The following NPAS3 variants were observed in gnomAD, a reference collection of about 807,000 sequenced individuals.
NPAS3 encodes the protein neuronal PAS domain protein 3, also known as neuronal PAS domain-containing protein 3.
Under a neutral mutation model 73.1 loss-of-function variants are expected in NPAS3, and 14 were observed. The observed-to-expected ratio is 0.19, with a 90% CI of 0.13 to 0.30. The LOEUF is 0.30. Ranked by LOEUF, NPAS3 falls within the 10% of genes least tolerant of loss-of-function variation. The probability of loss-of-function intolerance (pLI) is 1.00; values close to 1 mark genes in which losing one functional copy is unlikely to be tolerated. For missense variants in NPAS3, 1,096 were observed against 1,250.0 expected (o/e 0.88, Z 1.86); for synonymous variants, 620 against 541.5 (o/e 1.14, Z -2.01).
At chr14:33,562,416 T>A (rs2139765117) in intron 5 of NPAS3, among the ~76,000 whole-genome samples, 1 of 152,286 alleles carries the variant, frequency 6.6e-6, no homozygotes, top group Non-Finnish European at 1.5e-5. Context: ...TGCCTTCTTC[T>A]CCTGTGGTGG....
chr14:33,156,838 G>T (rs745406846), intron 2 of NPAS3, among the ~76,000 whole-genome samples: 2 of 152,076 alleles, frequency 1.3e-5, no homozygotes, highest in African/African-American at 2.4e-5. Flanking sequence ...TATAATTATC[G>T]TTAAGGTTTT....
At chr14:33,252,600 A>G (rs2048627951) in intron 3 of NPAS3, among the ~76,000 whole-genome samples, 1 of 151,762 alleles carries the variant, frequency 6.6e-6, no homozygotes, top group Non-Finnish European at 1.5e-5. Context: ...ACTTTTCATT[A>G]CTATTACATA....
At chr14:33,666,745 T>A (rs1194014429) in intron 5 of NPAS3, among the ~76,000 whole-genome samples, 1 of 152,238 alleles carries the variant, frequency 6.6e-6, no homozygotes, top group Admixed American at 6.5e-5. Flanking sequence ...ATGTTTCTTT[T>A]AATTAATTCC....
chr14:33,708,679 T>C (rs1315894186), intron 6 of NPAS3, among the ~76,000 whole-genome samples: 1 of 151,954 alleles, frequency 6.6e-6, no homozygotes, highest in Non-Finnish European at 1.5e-5. Context: ...CATGGAAGAG[T>C]CAGAGAGTCT....
chr14:33,124,629 T>A (rs1026653886), intron 2 of NPAS3, among the ~76,000 whole-genome samples: 3 of 152,122 alleles, frequency 2.0e-5, no homozygotes, highest in Non-Finnish European at 4.4e-5. Context: ...ATGAGATTGA[T>A]ACATGTATCC....
intron 1 of NPAS3, among the ~76,000 whole-genome samples, chr14:32,943,305 A>G (rs980332779): frequency 5.9e-5 from 9 of 152,194 alleles, no homozygotes; most frequent in African/African-American, 1.9e-4. Flanking sequence ...TCAGCAATCA[A>G]TTGGTAAGAC....
chr14:33,427,172 T>G (rs1207983738), intron 4 of NPAS3, among the ~76,000 whole-genome samples: 6 of 152,164 alleles, frequency 3.9e-5, no homozygotes, highest in Middle Eastern at 3.4e-3. Context: ...AAGATTTTAT[T>G]TTTATGAACA....
intron 5 of NPAS3, among the ~76,000 whole-genome samples, chr14:33,605,744 A>G (rs1289696160): frequency 6.6e-6 from 1 of 152,186 alleles, no homozygotes; most frequent in African/African-American, 2.4e-5. Context: ...AGAGATAGAT[A>G]CCATTTTTGT....
chr14:33,140,229 G>A (rs1445143007), intron 2 of NPAS3, among the ~76,000 whole-genome samples: 2 of 151,972 alleles, frequency 1.3e-5, no homozygotes, highest in Non-Finnish European at 2.9e-5. Flanking sequence ...AATATCCCAC[G>A]AAAATGAGGA....
intron 2 of NPAS3, among the ~76,000 whole-genome samples, chr14:33,178,907 A>G (rs1335196436): frequency 6.6e-6 from 1 of 152,210 alleles, no homozygotes; most frequent in Non-Finnish European, 1.5e-5. Context: ...TGTTAGGAGA[A>G]AGCTTTCAGT....
At chr14:33,329,385 C>T (rs1250375967) in intron 3 of NPAS3, among the ~76,000 whole-genome samples, 1 of 152,112 alleles carries the variant, frequency 6.6e-6, no homozygotes, top group East Asian at 1.9e-4. Flanking sequence ...ATGGAGGTAA[C>T]CTACTAGGGA....
chr14:33,669,636 T>G (rs1337397283), intron 5 of NPAS3, among the ~76,000 whole-genome samples: 4 of 152,212 alleles, frequency 2.6e-5, no homozygotes, highest in Non-Finnish European at 4.4e-5. Context: ...TTCAAAGAGT[T>G]TGTGGACCTG....
intron 3 of NPAS3, among the ~76,000 whole-genome samples, chr14:33,272,844 G>T (rs1262542625): frequency 6.6e-6 from 1 of 152,140 alleles, no homozygotes; most frequent in Admixed American, 6.6e-5. Context: ...CTACCAAAGG[G>T]TAGTGATACT....
At chr14:33,729,559 C>A (rs1283874122) in intron 6 of NPAS3, among the ~76,000 whole-genome samples, 1 of 152,114 alleles carries the variant, frequency 6.6e-6, no homozygotes, top group Non-Finnish European at 1.5e-5. Flanking sequence ...TGAAGGCTCA[C>A]CTAAAGCTGG....
intron 4 of NPAS3, among the ~76,000 whole-genome samples, chr14:33,419,144 G>A (rs1594873668): frequency 6.6e-6 from 1 of 151,918 alleles, no homozygotes; most frequent in East Asian, 1.9e-4. Flanking sequence ...TTTTAAAAAA[G>A]GCTTTAAGAA....
At chr14:33,752,177 A>C (rs1326599927) in intron 7 of NPAS3, among the ~76,000 whole-genome samples, 2 of 152,222 alleles carry the variant, frequency 1.3e-5, no homozygotes, top group Non-Finnish European at 2.9e-5. Flanking sequence ...ATAAAATATA[A>C]TATGAAACTT....
At chr14:32,962,065 C>A (rs1219617349) in intron 1 of NPAS3, among the ~76,000 whole-genome samples, 1 of 151,918 alleles carries the variant, frequency 6.6e-6, no homozygotes, top group Admixed American at 6.6e-5. Flanking sequence ...AAAAAAGGAA[C>A]CTGAATTAAC....
chr14:33,799,997 G>C, exon 12 of NPAS3: 1 of 1,613,100 alleles, frequency 6.2e-7, no homozygotes, highest in Non-Finnish European at 8.5e-7. Flanking sequence ...CGTGGAGAGC[G>C]AGTCGGACCT....
At chr14:33,399,973 A>C (rs2047382070) in intron 4 of NPAS3, among the ~76,000 whole-genome samples, 1 of 152,104 alleles carries the variant, frequency 6.6e-6, no homozygotes, top group Admixed American at 6.6e-5. Context: ...CCAGACACAT[A>C]ATCAATGCAC....
Sources: allele counts gnomAD v4.1 joint callset (sites outside exome capture counted in the v4.1 genomes callset), GRCh38; gene constraint gnomAD v4.1.1; transcripts MANE v1.5; gene names NCBI Gene and HGNC (gene_info 2026-07-23, HGNC 2026-07-21).